NSUN7: variants seen among roughly 807,000 people sequenced by gnomAD.
The protein encoded by NSUN7 is protein NSUN7.
Under a neutral mutation model 58.5 loss-of-function variants are expected in NSUN7, and 39 were observed. The observed-to-expected ratio is 0.67, with a 90% CI of 0.52 to 0.87. The LOEUF (loss-of-function observed/expected upper bound fraction) is 0.87, where lower values mean the gene tolerates loss of function less well. Ranked by LOEUF, NSUN7 falls within the 40% of genes least tolerant of loss-of-function variation. The pLI is 0.00. For synonymous variants in NSUN7, 278 were observed against 303.7 expected, an observed-to-expected ratio of 0.92 and a Z score of 0.88; for missense variants, 765 against 844.1, an observed-to-expected ratio of 0.91 and a Z score of 1.16.
At chr4:40,782,191 C>A (rs1276902922) in intron 7 of NSUN7, among the ~76,000 whole-genome samples, 2 of 152,076 alleles carry the variant, frequency 1.3e-5, no homozygotes, top group Admixed American at 6.5e-5. Context: ...GAAAGAAAAT[C>A]CTTTTTATAA....
In NSUN7 at chr4:40,799,073, C is replaced by CTTTTTGTTTTTTTTTTTTTTTTTTT. The variant is rs1553919775; in HGVS notation, c.1400+174_1400+175insGTTTTTTTTTTTTTTTTTTTTTTTT. Among the ~76,000 whole-genome samples the CTTTTTGTTTTTTTTTTTTTTTTTTT allele has an allele frequency of 5.2e-5, 4 of 76,208 alleles. 2 individuals are homozygous for CTTTTTGTTTTTTTTTTTTTTTTTTT. Among genetic ancestry groups the CTTTTTGTTTTTTTTTTTTTTTTTTT allele is most frequent in the Non-Finnish European group, 1.0e-4 (4 of 39,384 alleles). The allele number at this position is 76,208 out of a possible 152,430, so 50.0% of individuals were successfully genotyped here. A position where few individuals can be genotyped will look rare whatever the true frequency, so the allele number is the denominator to read the frequency against. ...AACCAAGATTCCATAGGGCCTTTTT[C>CTTTTTGTTTTTTTTTTTTTTTTTTT]TTTTTTTTTTTTTTTTTTTTTTTTT... is the stretch of plus-strand genomic sequence containing the variant. On this transcript the variant is annotated intron_variant, in intron 10 of 11. Transcript: ENST00000381782.
chr4:40,801,443 T>C (rs1743575842), intron 10 of NSUN7, among the ~76,000 whole-genome samples: 2 of 152,226 alleles, frequency 1.3e-5, no homozygotes. Context: ...ATTTATAAAT[T>C]TCATGTTCAT....
intron 4 of NSUN7, among the ~76,000 whole-genome samples, chr4:40,771,706 T>C (rs1162578248): frequency 6.7e-6 from 1 of 148,162 alleles, no homozygotes; most frequent in Non-Finnish European, 1.5e-5. Context: ...AATTTAAGCT[T>C]ATATAAATAT....
chr4:40,807,289 G>C (rs912443793), intron 11 of NSUN7, 105 bp downstream of exon 11: 5 of 1,037,766 alleles, frequency 4.8e-6, no homozygotes, highest in Non-Finnish European at 6.8e-6. Context: ...AGATGTGTTT[G>C]CATTTCACAA....
chr4:40,785,548 A>C (rs1241823264), intron 7 of NSUN7, among the ~76,000 whole-genome samples: 1 of 152,088 alleles, frequency 6.6e-6, no homozygotes, highest in South Asian at 2.1e-4. Flanking sequence ...TTTAGTAGAG[A>C]TAGGGTTTCA....
intron 4 of NSUN7, among the ~76,000 whole-genome samples, chr4:40,772,283 AAGT>A (rs1246379854): frequency 1.3e-5 from 2 of 152,206 alleles, no homozygotes; most frequent in Non-Finnish European, 2.9e-5. Flanking sequence ...AATTTGAACT[AAGT>A]AGGTATTTGC....
intron 4 of NSUN7, among the ~76,000 whole-genome samples, chr4:40,768,458 G>C (rs1180814065): frequency 6.6e-6 from 1 of 152,124 alleles, no homozygotes; most frequent in Non-Finnish European, 1.5e-5. Flanking sequence ...CTAGAATGCT[G>C]GGATTACAAG....
intron 2 of NSUN7, among the ~76,000 whole-genome samples, chr4:40,755,755 G>C (rs1213164008): frequency 1.3e-5 from 2 of 152,198 alleles, no homozygotes; most frequent in Non-Finnish European, 2.9e-5. Flanking sequence ...TATACTCATG[G>C]TTATAGTTTA....
At chr4:40,801,485 C>A (rs1393093215) in intron 10 of NSUN7, among the ~76,000 whole-genome samples, 2 of 151,966 alleles carry the variant, frequency 1.3e-5, no homozygotes, top group Admixed American at 1.3e-4. Flanking sequence ...CTGGATTATT[C>A]TTTTTCTTCT....
At chr4:40,779,677 G>A (rs1742433191) in intron 7 of NSUN7, among the ~76,000 whole-genome samples, 3 of 152,108 alleles carry the variant, frequency 2.0e-5, no homozygotes, top group Non-Finnish European at 4.4e-5. Context: ...AAGTACATAG[G>A]TAAATCTAAA....
intron 4 of NSUN7, among the ~76,000 whole-genome samples, chr4:40,766,925 G>T (rs1157465634): frequency 6.7e-6 from 1 of 150,122 alleles, no homozygotes; most frequent in Admixed American, 6.6e-5. Context: ...GATCGGTGGT[G>T]ATATCCCCTT....
At chr4:40,783,394 G>A (rs1199658449) in intron 7 of NSUN7, among the ~76,000 whole-genome samples, 3 of 152,086 alleles carry the variant, frequency 2.0e-5, no homozygotes, top group Non-Finnish European at 4.4e-5. Flanking sequence ...AAGTGTTAGA[G>A]CTAAAACTCT....
chr4:40,775,030 A>C lies in NSUN7; in HGVS notation c.825+80A>C. 1.6e-6 allele frequency: 1 copy of C among 619,398 alleles called. No homozygotes were observed. The highest frequency in any genetic ancestry group is 2.7e-6 in the Non-Finnish European group (1 of 364,914). 38.4% of individuals were successfully genotyped at this position (619,398 alleles called of 1,614,324 possible). ...ACTTCTCCACTTAAAAATAAAACCTAACACTGTTTATATTTTTATAGATTA... is the reference window on the plus strand; with the variant it reads ...ACTTCTCCACTTAAAAATAAAACCTCACACTGTTTATATTTTTATAGATTA... On this transcript the variant is annotated intron_variant, in intron 6 of 11. Coordinates refer to ENST00000381782, the MANE Select transcript of NSUN7 (RefSeq NM_024677.6). The surrounding 1 kb of genome is among the most constrained non-coding windows in gnomAD (Gnocchi z 4.3).
chr4:40,752,505 C>G (rs575694556), intron 2 of NSUN7, among the ~76,000 whole-genome samples: 212 of 152,340 alleles, frequency 1.4e-3, no homozygotes, highest in South Asian at 0.011. Context: ...ACTGCAAGCT[C>G]CGCCTCCTGG....
In NSUN7 at chr4:40,785,600, A is replaced by T. The variant is rs547592190; in HGVS notation, c.1037-5002A>T. 1.1e-4 allele frequency among the ~76,000 whole-genome samples: 17 copies of T among 152,272 alleles called. No individual in the cohort carries two copies. In the South Asian group the frequency reaches 3.5e-3, roughly 32 times the overall value. ...GGTTGTGAACTCCTGACCTCAGGTG[A>T]TCCACCCGCCTCGGCCTCCCAAAGT... On this transcript the variant is annotated intron_variant, in intron 7 of 11. Transcript: ENST00000381782.
chr4:40,788,619 T>A (rs1742941247), intron 7 of NSUN7, among the ~76,000 whole-genome samples: 1 of 152,228 alleles, frequency 6.6e-6, no homozygotes, highest in Non-Finnish European at 1.5e-5. Flanking sequence ...AGAGACTTTG[T>A]AAGACTGGAA....
At chr4:40,780,786 CATACACATAT>C (rs1458384312) in intron 7 of NSUN7, among the ~76,000 whole-genome samples, 1 of 98,180 alleles carries the variant, frequency 1.0e-5, no homozygotes, top group Admixed American at 1.3e-4. Flanking sequence ...CACACACACA[CATACACATAT>C]ATATATATAT....
Position 40,775,740 on chromosome 4 carries a change from G to C in NSUN7, c.826-309G>C, listed in dbSNP as rs983330593. Among the ~76,000 whole-genome samples, 1 of 152,150 alleles carries C rather than the reference G, an allele frequency of 6.6e-6. No homozygotes were observed. The highest frequency in any genetic ancestry group is 2.4e-5 in the African/African-American group (1 of 41,450). On this transcript the variant is annotated intron_variant, in intron 6 of 11. Transcript: ENST00000381782. The surrounding 1 kb of genome is among the most constrained non-coding windows in gnomAD (Gnocchi z 4.3). ...AGTAGATGAGTGGGTTTTTGTGAAG[G>C]GGTAAGAATGGGAGTTAAGATAGGA...
rs760072283 is a variant in NSUN7 at position 40,809,706 on chromosome 4, T to C, written c.*767T>C. On this transcript the variant is annotated 3_prime_UTR_variant, in exon 12 of 12. Transcript: ENST00000381782. Reference sequence around the variant, plus strand: ...AAAACTGTTGAATGCAAGCGATACCTATTGTTGAAGAAACCCACAAATTTC... The same window carrying C: ...AAAACTGTTGAATGCAAGCGATACCCATTGTTGAAGAAACCCACAAATTTC... The C allele has an allele frequency of 1.4e-4, 20 of 147,274 alleles. No homozygotes were observed. Among genetic ancestry groups the C allele is most frequent in the Admixed American group, 4.8e-4 (7 of 14,614 alleles). 9.1% of individuals were successfully genotyped at this position (147,274 alleles called of 1,614,324 possible).
Sources: gnomAD v4.1 joint callset for allele counts (sites outside exome capture counted in the v4.1 genomes callset) on GRCh38, gnomAD v4.1.1 for gene constraint, Gnocchi (gnomAD v3.1) non-coding constraint, MANE v1.5 for transcripts, NCBI Gene and HGNC (gene_info 2026-07-23, HGNC 2026-07-21) for gene names.